SH3RF3: variants seen among roughly 807,000 people sequenced by gnomAD.
SH3RF3 encodes the protein SH3 domain containing ring finger 3, also known as E3 ubiquitin-protein ligase SH3RF3.
Under a neutral mutation model 66.3 loss-of-function variants are expected in SH3RF3, and 29 were observed. The observed-to-expected ratio is 0.44, with a 90% CI of 0.33 to 0.60. The LOEUF (loss-of-function observed/expected upper bound fraction) is 0.60, where lower values mean the gene tolerates loss of function less well. Ranked by LOEUF, SH3RF3 falls within the 20% of genes least tolerant of loss-of-function variation. The pLI is 0.04. For missense variants in SH3RF3, 1,194 were observed against 1,190.9 expected, an observed-to-expected ratio of 1.00 and a Z score of -0.04; for synonymous variants, 583 against 532.0, an observed-to-expected ratio of 1.10 and a Z score of -1.32.
At chr2:109,229,107 A>C (rs922050568) in intron 1 of SH3RF3, among the ~76,000 whole-genome samples, 3 of 152,186 alleles carry the variant, frequency 2.0e-5, no homozygotes, top group African/African-American at 7.2e-5. Flanking sequence ...ATATCAGAAC[A>C]AAAGATACTC....
At chr2:109,222,224 G>A (rs1455813590) in intron 1 of SH3RF3, among the ~76,000 whole-genome samples, 1 of 152,156 alleles carries the variant, frequency 6.6e-6, no homozygotes, top group Non-Finnish European at 1.5e-5. Flanking sequence ...GGTAAAGAAA[G>A]GTTGGTTAAG....
chr2:109,143,397 A>G (rs1677012922), intron 1 of SH3RF3, among the ~76,000 whole-genome samples: 1 of 152,160 alleles, frequency 6.6e-6, no homozygotes, highest in South Asian at 2.1e-4. Flanking sequence ...CATTATTCAC[A>G]GGGCCAATAT....
intron 1 of SH3RF3, among the ~76,000 whole-genome samples, chr2:109,130,388 C>T (rs1676661899): frequency 6.6e-6 from 1 of 152,210 alleles, no homozygotes; most frequent in Non-Finnish European, 1.5e-5. Context: ...GACTTGTTAC[C>T]CTGCCTCTTA....
chr2:109,387,823 C>T (rs1481796459), intron 3 of SH3RF3, among the ~76,000 whole-genome samples: 1 of 152,000 alleles, frequency 6.6e-6, no homozygotes, highest in African/African-American at 2.4e-5. Context: ...TGCCCAATTC[C>T]ACCTTCTTCT....
intron 2 of SH3RF3, among the ~76,000 whole-genome samples, chr2:109,365,980 T>G (rs1389927394): frequency 6.6e-6 from 1 of 152,252 alleles, no homozygotes; most frequent in Non-Finnish European, 1.5e-5. Context: ...ACATGCTGCT[T>G]GCTTTCTTCC....
intron 2 of SH3RF3, among the ~76,000 whole-genome samples, chr2:109,351,163 C>T (rs900367005): frequency 6.6e-6 from 1 of 152,332 alleles, no homozygotes; most frequent in East Asian, 1.9e-4. Context: ...AATAAAAAGA[C>T]GACAGGCAGG....
At chr2:109,435,262 C>T (rs894097485) in intron 6 of SH3RF3, among the ~76,000 whole-genome samples, 1 of 152,316 alleles carries the variant, frequency 6.6e-6, no homozygotes, top group Admixed American at 6.5e-5. Flanking sequence ...GGAAATCTGG[C>T]CTCGGTCTTT....
intron 7 of SH3RF3, among the ~76,000 whole-genome samples, chr2:109,446,158 G>A (rs1479240219): frequency 2.0e-5 from 3 of 152,114 alleles, no homozygotes; most frequent in African/African-American, 7.2e-5. Context: ...CCAGAGATGA[G>A]CACACTCTTC....
chr2:109,405,943 T>A (rs1676441967), intron 4 of SH3RF3, among the ~76,000 whole-genome samples: 1 of 152,340 alleles, frequency 6.6e-6, no homozygotes, highest in African/African-American at 2.4e-5. Context: ...GATGGTCTTG[T>A]ACATAAAGCA....
chr2:109,273,591 T>G, intron 1 of SH3RF3, among the ~76,000 whole-genome samples: 1 of 152,172 alleles, frequency 6.6e-6, no homozygotes, highest in East Asian at 1.9e-4. Context: ...TGGGGAGTTT[T>G]GTGGTGGGAC....
intron 1 of SH3RF3, among the ~76,000 whole-genome samples, chr2:109,316,396 C>T (rs1261233811): frequency 1.3e-5 from 2 of 152,222 alleles, no homozygotes; most frequent in African/African-American, 4.8e-5. Flanking sequence ...ATGTTTCTCC[C>T]TGGCTCTGGC....
At chr2:109,272,181 C>T (rs1680642936) in intron 1 of SH3RF3, among the ~76,000 whole-genome samples, 2 of 152,214 alleles carry the variant, frequency 1.3e-5, no homozygotes, top group African/African-American at 4.8e-5. Context: ...TGGGTCAGAA[C>T]CCCCCACAGC....
intron 1 of SH3RF3, among the ~76,000 whole-genome samples, chr2:109,154,598 G>A (rs2104883510): frequency 6.6e-6 from 1 of 152,338 alleles, no homozygotes; most frequent in East Asian, 1.9e-4. Flanking sequence ...AGGTCACAGT[G>A]CCCTGGGGTC....
rs563669565 is a variant in SH3RF3 at position 109,419,739 on chromosome 2, A to G, written c.1403+97A>G. On this transcript the variant is annotated intron_variant, in intron 5 of 9. Coordinates refer to ENST00000309415, the MANE Select transcript of SH3RF3 (RefSeq NM_001099289.3). ...CGTGTGGTTTCCGCAGGGTTTTCCC[A>G]TGTGTTACTAGTTGGCCAGTATAGT... 23 of 1,181,150 alleles carry G rather than the reference A, an allele frequency of 1.9e-5. No homozygotes were observed. In the African/African-American group the frequency reaches 3.2e-4, roughly 16 times the overall value. The allele number at this position is 1,181,150 out of a possible 1,614,324, so 73.2% of individuals were successfully genotyped here.
intron 8 of SH3RF3, among the ~76,000 whole-genome samples, chr2:109,455,365 G>T (rs1292730080): frequency 6.6e-6 from 1 of 152,162 alleles, no homozygotes; most frequent in Non-Finnish European, 1.5e-5. Flanking sequence ...GTGGATGACC[G>T]ACATAATCAA....
chr2:109,262,897 A>T (rs929553309), intron 1 of SH3RF3, among the ~76,000 whole-genome samples: 4 of 152,016 alleles, frequency 2.6e-5, no homozygotes, highest in Non-Finnish European at 5.9e-5. Context: ...CAGTGGCATG[A>T]TCTTGGCTCA....
At chr2:109,272,669 G>A (rs1309944774) in intron 1 of SH3RF3, among the ~76,000 whole-genome samples, 1 of 152,210 alleles carries the variant, frequency 6.6e-6, no homozygotes, top group South Asian at 2.1e-4. Flanking sequence ...CCACACCAGC[G>A]CTGAGTTGTC....
intron 1 of SH3RF3, among the ~76,000 whole-genome samples, chr2:109,194,730 G>A (rs1678455568): frequency 6.6e-6 from 1 of 152,206 alleles, no homozygotes; most frequent in African/African-American, 2.4e-5. Flanking sequence ...ACACTGCCCT[G>A]CAGGCCGGGG....
At chr2:109,497,999 G>T (rs564115208) in intron 9 of SH3RF3, among the ~76,000 whole-genome samples, 1 of 152,298 alleles carries the variant, frequency 6.6e-6, no homozygotes, top group South Asian at 2.1e-4. Flanking sequence ...GATCCTGTGG[G>T]CCCTCGCAGC....
Sources: allele counts gnomAD v4.1 joint callset (sites outside exome capture counted in the v4.1 genomes callset), GRCh38; gene constraint gnomAD v4.1.1; transcripts MANE v1.5; gene names NCBI Gene and HGNC (gene_info 2026-07-23, HGNC 2026-07-21).